PTPRM: variants seen among roughly 807,000 people sequenced by gnomAD.
PTPRM encodes the protein receptor-type tyrosine-protein phosphatase mu.
PTPRM carries 47 observed loss-of-function variants against 186.7 expected under a neutral mutation model. The ratio of observed to expected loss-of-function variants is 0.25; its 90% CI spans 0.20 to 0.32. The LOEUF (loss-of-function observed/expected upper bound fraction) is 0.32, where lower values mean the gene tolerates loss of function less well. Among genes scored for constraint, PTPRM ranks in the 10% least tolerant of loss-of-function variants. The pLI, the probability that PTPRM is intolerant of heterozygous loss-of-function variation, is 1.00. For missense variants in PTPRM, 1,494 were observed against 1,865.0 expected, an observed-to-expected ratio of 0.80 and a Z score of 3.66; for synonymous variants, 668 against 674.9, an observed-to-expected ratio of 0.99 and a Z score of 0.16.
At chr18:7,765,841 T>C (rs190295297) in intron 1 of PTPRM, among the ~76,000 whole-genome samples, 36 of 152,178 alleles carry the variant, frequency 2.4e-4, no homozygotes, top group Non-Finnish European at 2.4e-4. Context: ...ATGAGAAAAA[T>C]TTTCCAGAAA....
intron 14 of PTPRM, among the ~76,000 whole-genome samples, chr18:8,147,710 C>G (rs2092917476): frequency 1.3e-5 from 2 of 152,198 alleles, no homozygotes; most frequent in Admixed American, 1.3e-4. Flanking sequence ...GAGAGGACAT[C>G]CTTGTCTTGT....
At chr18:7,903,022 C>T (rs1239860165) in intron 3 of PTPRM, among the ~76,000 whole-genome samples, 2 of 152,116 alleles carry the variant, frequency 1.3e-5, no homozygotes, top group Non-Finnish European at 2.9e-5. Context: ...AAGGATAATT[C>T]CATTTTTAGT....
chr18:8,088,669 C>T, intron 10 of PTPRM, 80 bp from the exon 11 acceptor site: 12 of 1,198,470 alleles, frequency 1.0e-5, no homozygotes, highest in Non-Finnish European at 1.5e-5. Context: ...TCTTAATGCT[C>T]TTTGTAAAAG....
chr18:7,908,195 T>G (rs1480137131), intron 4 of PTPRM, among the ~76,000 whole-genome samples: 1 of 152,160 alleles, frequency 6.6e-6, no homozygotes, highest in Non-Finnish European at 1.5e-5. Flanking sequence ...CCACCAGCAG[T>G]GCATGGTAGC....
intron 1 of PTPRM, among the ~76,000 whole-genome samples, chr18:7,709,765 T>TA (rs1451134011): frequency 6.6e-6 from 1 of 152,140 alleles, no homozygotes; most frequent in African/African-American, 2.4e-5. Flanking sequence ...TCAAGGCTAC[T>TA]ATGAATACCT....
chr18:8,073,904 C>T (rs960753848), intron 8 of PTPRM, among the ~76,000 whole-genome samples: 1 of 152,012 alleles, frequency 6.6e-6, no homozygotes, highest in Non-Finnish European at 1.5e-5. Flanking sequence ...GACCCTATTT[C>T]CAAAAAACAA....
At chr18:7,767,200 C>T (rs2144835424) in intron 1 of PTPRM, among the ~76,000 whole-genome samples, 1 of 152,188 alleles carries the variant, frequency 6.6e-6, no homozygotes, top group East Asian at 1.9e-4. Flanking sequence ...ATGGCTCTCA[C>T]CCCAAAACCT....
At chr18:7,734,129 T>G (rs1419700485) in intron 1 of PTPRM, among the ~76,000 whole-genome samples, 3 of 152,212 alleles carry the variant, frequency 2.0e-5, no homozygotes, top group Non-Finnish European at 4.4e-5. Context: ...TTAAATATCT[T>G]GAAGCCATTT....
chr18:7,708,218 C>T (rs772567294), intron 1 of PTPRM, among the ~76,000 whole-genome samples: 5 of 152,168 alleles, frequency 3.3e-5, no homozygotes, highest in African/African-American at 4.8e-5. Flanking sequence ...AGAGCCTTAA[C>T]TGTAACCAAA....
chr18:7,939,580 A>G (rs897789902), intron 5 of PTPRM, among the ~76,000 whole-genome samples: 4 of 152,208 alleles, frequency 2.6e-5, no homozygotes, highest in East Asian at 1.9e-4. Context: ...TTGCTTTTAT[A>G]AAGAGCTGTA....
In PTPRM at chr18:7,966,502, C is replaced by T. The variant is rs8083737; in HGVS notation, c.1132+11088C>T. Among the ~76,000 whole-genome samples, 1,196 of 151,876 alleles carry T rather than the reference C, an allele frequency of 7.9e-3. 19 individuals carry two copies. Among genetic ancestry groups the T allele is most frequent in the African/African-American group, 0.028 (1,154 of 41,376 alleles). ...TCCGGTCTACAGCTCCCAGCGTGAG[C>T]GACGCAGAAGACGGGTGATTTCTGC... is the stretch of plus-strand genomic sequence containing the variant. On this transcript the variant is annotated intron_variant, in intron 7 of 32. Coordinates refer to ENST00000580170, the MANE Select transcript of PTPRM (RefSeq NM_001105244.2).
At chr18:8,039,539 A>G (rs1045850667) in intron 7 of PTPRM, among the ~76,000 whole-genome samples, 2 of 152,176 alleles carry the variant, frequency 1.3e-5, no homozygotes, top group African/African-American at 4.8e-5. Flanking sequence ...CGTTTTAAAC[A>G]TTTTTAAATT....
chr18:7,621,195 A>C (rs1183945667), intron 1 of PTPRM, among the ~76,000 whole-genome samples: 1 of 152,218 alleles, frequency 6.6e-6, no homozygotes, highest in Non-Finnish European at 1.5e-5. Context: ...AGAGGTTAAG[A>C]AACTTGCCCA....
At chr18:8,325,690 C>T (rs1176609105) in intron 22 of PTPRM, among the ~76,000 whole-genome samples, 1 of 152,122 alleles carries the variant, frequency 6.6e-6, no homozygotes, top group African/African-American at 2.4e-5. Context: ...TTTGGGTATA[C>T]AGCCAATAAT....
intron 4 of PTPRM, among the ~76,000 whole-genome samples, chr18:7,924,718 C>T (rs139172393): frequency 1.2e-3 from 187 of 152,104 alleles, no homozygotes; most frequent in African/African-American, 4.1e-3. Flanking sequence ...GTGCTGTGGC[C>T]GTTGTGATAT....
At chr18:7,856,153 C>T (rs2047082765) in intron 2 of PTPRM, among the ~76,000 whole-genome samples, 1 of 151,990 alleles carries the variant, frequency 6.6e-6, no homozygotes, top group Admixed American at 6.6e-5. Context: ...TTCTAGATTC[C>T]CTTCTATTTT....
chr18:8,378,628 C>T (rs1038861994), intron 27 of PTPRM, among the ~76,000 whole-genome samples: 2 of 152,108 alleles, frequency 1.3e-5, no homozygotes, highest in African/African-American at 4.8e-5. Flanking sequence ...AGGTGTCCCC[C>T]TGGGGGACAG....
intron 1 of PTPRM, among the ~76,000 whole-genome samples, chr18:7,771,792 G>T (rs1367966524): frequency 1.3e-5 from 2 of 152,170 alleles, no homozygotes; most frequent in African/African-American, 4.8e-5. Context: ...CATCAGATTT[G>T]CAGACAACAC....
In PTPRM at chr18:7,668,240, A is replaced by C. The variant is rs1038724556; in HGVS notation, c.73+100349A>C. Among the ~76,000 whole-genome samples, 2 of 152,116 alleles carry C rather than the reference A, an allele frequency of 1.3e-5. No individual in the cohort carries two copies. The highest frequency in any genetic ancestry group is 4.8e-5 in the African/African-American group (2 of 41,440). On this transcript the variant is annotated intron_variant, in intron 1 of 32. Coordinates refer to ENST00000580170, the MANE Select transcript of PTPRM (RefSeq NM_001105244.2). The surrounding 1 kb of genome is among the most constrained non-coding windows in gnomAD (Gnocchi z 4.7). ...CCGCAGACGCTGCTTCGTGTCCCCC[A>C]TGACAGCTCTGGTGTGAATAGTCAC...
Sources: gnomAD v4.1 joint callset for allele counts (sites outside exome capture counted in the v4.1 genomes callset) on GRCh38, gnomAD v4.1.1 for gene constraint, Gnocchi (gnomAD v3.1) non-coding constraint, MANE v1.5 for transcripts, NCBI Gene and HGNC (gene_info 2026-07-23, HGNC 2026-07-21) for gene names.